The following PLB1 variants were observed in gnomAD, a reference collection of about 807,000 sequenced individuals.
PLB1 encodes the protein phospholipase B1, also known as phospholipase B1, membrane-associated.
A neutral mutation model predicts 227.4 loss-of-function variants in PLB1; 242 were observed. The ratio of observed to expected loss-of-function variants is 1.06; its 90% CI spans 0.96 to 1.18. PLB1 has a LOEUF of 1.18. Among genes scored for constraint, PLB1 ranks in the 50% most tolerant of loss-of-function variants. The pLI, the probability that PLB1 is intolerant of heterozygous loss-of-function variation, is 0.00. For missense variants in PLB1, 1,858 were observed against 1,816.3 expected (o/e 1.02, Z -0.42); for synonymous variants, 757 against 682.2 (o/e 1.11, Z -1.71).
chr2:28,618,816 G>A (rs1483345983), intron 46 of PLB1, among the ~76,000 whole-genome samples: 1 of 152,204 alleles, frequency 6.6e-6, no homozygotes. Flanking sequence ...CTTTGGGGCA[G>A]AGGGAGCCCG....
At chr2:28,587,743 C>G (rs918370567) in intron 26 of PLB1, among the ~76,000 whole-genome samples, 3 of 152,196 alleles carry the variant, frequency 2.0e-5, no homozygotes, top group Admixed American at 1.3e-4. Flanking sequence ...ATCCCTGACA[C>G]AGGCAATGAT....
intron 17 of PLB1, among the ~76,000 whole-genome samples, chr2:28,560,861 G>A (rs952732131): frequency 1.4e-4 from 22 of 152,130 alleles, no homozygotes; most frequent in African/African-American, 4.8e-4. Flanking sequence ...TTCCAAGGTG[G>A]TTTTCTCTTT....
At chr2:28,575,630 G>A (rs1678794822) in intron 21 of PLB1, among the ~76,000 whole-genome samples, 1 of 152,092 alleles carries the variant, frequency 6.6e-6, no homozygotes. Context: ...GAGTGCAGTG[G>A]CGCGATCTCC....
At chr2:28,618,813 G>A (rs981095296) in intron 46 of PLB1, among the ~76,000 whole-genome samples, 7 of 152,172 alleles carry the variant, frequency 4.6e-5, no homozygotes, top group Non-Finnish European at 2.9e-5. Flanking sequence ...GTGCTTTGGG[G>A]CAGAGGGAGC....
chr2:28,572,214 C>A (rs1678128798), intron 20 of PLB1, among the ~76,000 whole-genome samples: 1 of 152,190 alleles, frequency 6.6e-6, no homozygotes, highest in East Asian at 1.9e-4. Context: ...GATACCAAGT[C>A]ACATCCACTA....
chr2:28,585,436 A>C (rs11696072), intron 25 of PLB1: 102,762 of 261,684 alleles, frequency 0.39, 22,675 homozygotes, highest in African/African-American at 0.66. Flanking sequence ...GCACCACCCC[A>C]AGCTAATAGT....
intron 19 of PLB1, among the ~76,000 whole-genome samples, chr2:28,565,806 A>G (rs1263585117): frequency 3.9e-5 from 6 of 152,196 alleles, no homozygotes; most frequent in Admixed American, 3.9e-4. Flanking sequence ...CTACCTGAGC[A>G]CTGTCTGAGG....
At chr2:28,587,910 GA>G (rs1681185137) in intron 26 of PLB1, among the ~76,000 whole-genome samples, 1 of 152,190 alleles carries the variant, frequency 6.6e-6, no homozygotes. Flanking sequence ...CTGAGCAGCT[GA>G]AAAGCAGGAG....
Position 28,589,218 on chromosome 2 carries a change from G to T in PLB1, c.1816-232G>T, listed in dbSNP as rs969532539. Among the ~76,000 whole-genome samples the T allele has an allele frequency of 5.3e-5, 8 of 152,022 alleles. 1 individual carries two copies. The highest frequency in any genetic ancestry group is 3.3e-4 in the Admixed American group (5 of 15,260). ...CTTTTCTTACCTTTCCCTTTTCACA[G>T]ACTAGCTCAAATATATGCAATCGCA... is the stretch of plus-strand genomic sequence containing the variant. On this transcript the variant is annotated intron_variant, in intron 26 of 57. Coordinates refer to ENST00000327757, the MANE Select transcript of PLB1 (RefSeq NM_153021.5).
chr2:28,613,002 C>T (rs1685694806), intron 43 of PLB1, among the ~76,000 whole-genome samples: 1 of 151,880 alleles, frequency 6.6e-6, no homozygotes, highest in Non-Finnish European at 1.5e-5. Context: ...TCACTGTAAC[C>T]ACAAACTCCT....
intron 19 of PLB1, among the ~76,000 whole-genome samples, chr2:28,565,797 T>G (rs1185414592): frequency 2.0e-5 from 3 of 152,228 alleles, no homozygotes; most frequent in Non-Finnish European, 4.4e-5. Flanking sequence ...ATAATGCTAC[T>G]ACCTGAGCAC....
Position 28,593,820 on chromosome 2 carries a change from C to T in PLB1, c.2321+66C>T, listed in dbSNP as rs1682422776. 5 of 1,395,438 alleles carry T rather than the reference C, an allele frequency of 3.6e-6. No homozygotes were observed. In the Admixed American group the frequency reaches 5.4e-5, roughly 15 times the overall value. The allele number at this position is 1,395,438 out of a possible 1,614,324, so 86.4% of individuals were successfully genotyped here. The stretch of plus-strand genomic sequence containing the variant: ...ACAGAGATTAGGTGTGGCTTTGTCT[C>T]CTGTAAATATGTAAATCCCAGAGGT... On this transcript the variant is annotated intron_variant, in intron 33 of 57. Transcript: ENST00000327757.
chr2:28,596,133 G>A (rs913113057), intron 33 of PLB1: 16 of 152,162 alleles, frequency 1.1e-4, no homozygotes, highest in African/African-American at 3.9e-4. Context: ...ATGTTACTGA[G>A]CATCTACTCT....
rs777704601 is a variant in PLB1 at position 28,540,437 on chromosome 2, A to C, written c.770A>C (p.Tyr257Ser). ...RLAKVVMQWS[Y>S]QEAWNSLLAS... ...GCCAAGGTGGTGATGCAGTGGTCTT[A>C]TCAGGTGAGCCCAACCTGGGATCCC... Residue 257 changes from tyrosine (Y) to serine (S), a missense_variant, in exon 12 of 58, where the codon TAT (tyrosine) becomes TCT (serine). Transcript: ENST00000327757. 1.2e-6 allele frequency: 2 copies of C among 1,613,776 alleles called. No homozygotes were observed. The highest frequency in any genetic ancestry group is 2.7e-5 in the African/African-American group (2 of 74,916).
chr2:28,624,251 A>T (rs1284329600), intron 49 of PLB1, among the ~76,000 whole-genome samples: 1 of 151,954 alleles, frequency 6.6e-6, no homozygotes, highest in East Asian at 1.9e-4. Flanking sequence ...GCAACCACTA[A>T]CCTTCTTTCC....
chr2:28,606,387 C>G, intron 42 of PLB1, 109 bp from the exon 43 acceptor site: 1 of 1,113,206 alleles, frequency 9.0e-7, no homozygotes. Flanking sequence ...GAGCCAAGCC[C>G]CCTGAAATCG....
At chr2:28,589,616 T>C in intron 27 of PLB1, 59 bp from the exon 28 acceptor site, 1 of 1,607,180 alleles carries the variant, frequency 6.2e-7, no homozygotes, top group South Asian at 1.1e-5. Flanking sequence ...TGTTTCTGAG[T>C]GTCACTTATA....
Position 28,534,428 on chromosome 2 carries a change from A to G in PLB1, c.555+2234A>G, listed in dbSNP as rs140912713. Among the ~76,000 whole-genome samples the G allele has an allele frequency of 2.0e-5, 3 of 152,358 alleles. No homozygotes were observed. The East Asian group carries it at 5.8e-4, about 29-fold the overall frequency. Reference sequence around the variant, plus strand: ...CATTGTAAAAAAAATAGAATAGAATAAACTCTAAAATCCTCGAGTTCATTG... The same window carrying G: ...CATTGTAAAAAAAATAGAATAGAATGAACTCTAAAATCCTCGAGTTCATTG... On this transcript the variant is annotated intron_variant, in intron 9 of 57. Transcript: ENST00000327757.
intron 32 of PLB1, among the ~76,000 whole-genome samples, chr2:28,593,325 A>G (rs927222122): frequency 6.6e-6 from 1 of 152,252 alleles, no homozygotes; most frequent in African/African-American, 2.4e-5. Flanking sequence ...TCATGCTCAT[A>G]AAGAACGTAG....
Sources: allele counts gnomAD v4.1 joint callset (sites outside exome capture counted in the v4.1 genomes callset), GRCh38; gene constraint gnomAD v4.1.1; transcripts MANE v1.5; gene names NCBI Gene and HGNC (gene_info 2026-07-23, HGNC 2026-07-21).